Variants in TANK observed in about 807,000 individuals in gnomAD.
TANK encodes TRAF family member associated NFKB activator.
A neutral mutation model predicts 43.6 loss-of-function variants in TANK; 15 were observed. The ratio of observed to expected loss-of-function variants is 0.34; its 90% CI spans 0.23 to 0.53. The LOEUF is 0.53. Among genes scored for constraint, TANK ranks in the 20% least tolerant of loss-of-function variants. The probability of loss-of-function intolerance (pLI) is 0.94; values close to 1 mark genes in which losing one functional copy is unlikely to be tolerated. For synonymous variants in TANK, 162 were observed against 178.2 expected, an observed-to-expected ratio of 0.91 and a Z score of 0.73; for missense variants, 417 against 498.6, an observed-to-expected ratio of 0.84 and a Z score of 1.56.
At chr2:161,181,720 T>A (rs1558979423) in intron 2 of TANK, among the ~76,000 whole-genome samples, 1 of 152,094 alleles carries the variant, frequency 6.6e-6, no homozygotes, top group Non-Finnish European at 1.5e-5. Flanking sequence ...TCCAGTCACT[T>A]CCCACCAGGT....
At chr2:161,148,365 T>C (rs1485417720) in intron 1 of TANK, among the ~76,000 whole-genome samples, 1 of 152,194 alleles carries the variant, frequency 6.6e-6, no homozygotes, top group East Asian at 1.9e-4. Flanking sequence ...ACCCACGTTT[T>C]AATTGGATTG....
chr2:161,137,317 A>G (rs1287249657), intron 1 of TANK: 1 of 845,864 alleles, frequency 1.2e-6, no homozygotes, highest in African/African-American at 1.8e-5. Flanking sequence ...TGAGCCCAGG[A>G]GTTTGAGGCC....
intron 1 of TANK, among the ~76,000 whole-genome samples, chr2:161,171,581 T>C (rs1573978887): frequency 6.6e-6 from 1 of 152,178 alleles, no homozygotes; most frequent in Non-Finnish European, 1.5e-5. Context: ...CTATTTATCA[T>C]TGGTAATGTT....
chr2:161,219,647 T>TA (rs937371049), intron 4 of TANK: 10 of 384,836 alleles, frequency 2.6e-5, no homozygotes, highest in African/African-American at 4.3e-5. Context: ...TATCTTTTTG[T>TA]AATTTTTTTT....
At chr2:161,225,230 C>CT (rs563993167) in intron 6 of TANK, among the ~76,000 whole-genome samples, 8 of 147,942 alleles carry the variant, frequency 5.4e-5, no homozygotes, top group Admixed American at 6.7e-5. Flanking sequence ...TTTTAATGTT[C>CT]TTTTTTTTTT....
chr2:161,168,804 GC>G (rs1684813769), intron 1 of TANK, among the ~76,000 whole-genome samples: 1 of 152,210 alleles, frequency 6.6e-6, no homozygotes, highest in Non-Finnish European at 1.5e-5. Context: ...TTGCACTCCA[GC>G]CTCGAGCAAC....
At chr2:161,151,096 C>T (rs903403165) in intron 1 of TANK, among the ~76,000 whole-genome samples, 1 of 151,922 alleles carries the variant, frequency 6.6e-6, no homozygotes, top group African/African-American at 2.4e-5. Context: ...TTTAGTTTTC[C>T]TTGTATTAAC....
At chr2:161,175,531 A>G (rs1685137529) in intron 1 of TANK, among the ~76,000 whole-genome samples, 1 of 152,122 alleles carries the variant, frequency 6.6e-6, no homozygotes. Context: ...GCCAGCAAAT[A>G]CCTTGTTCTG....
intron 5 of TANK, 43 bp downstream of exon 5, chr2:161,224,034 T>G: frequency 8.1e-7 from 1 of 1,229,118 alleles, no homozygotes; most frequent in South Asian, 1.4e-5. Context: ...AAATTATCAA[T>G]ACTGAAATAT....
chr2:161,220,401 G>A (rs779593022), intron 4 of TANK, among the ~76,000 whole-genome samples: 3 of 152,120 alleles, frequency 2.0e-5, no homozygotes, highest in African/African-American at 7.2e-5. Context: ...TCAGGAGTTC[G>A]AAACCAGCCT....
chr2:161,224,864 C>T, intron 6 of TANK, 118 bp downstream of exon 6: 2 of 573,984 alleles, frequency 3.5e-6, no homozygotes, highest in Non-Finnish European at 6.1e-6. Context: ...ATTTACCCCT[C>T]ATCCACGTAT....
chr2:161,201,350 A>C, intron 2 of TANK: 1 of 830,522 alleles, frequency 1.2e-6, no homozygotes, highest in Non-Finnish European at 1.5e-6. Flanking sequence ...TAAGCCAGAG[A>C]ATAGAAGATA....
chr2:161,231,202 A>T lies in TANK; in HGVS notation c.752A>T (p.Glu251Val). Residue 251 changes from glutamate to valine, a missense_variant, in exon 7 of 8, where the codon GAG becomes GTG. Glu to Val is a moderately radical substitution (Grantham distance 121). Coordinates refer to ENST00000392749, the MANE Select transcript of TANK (RefSeq NM_001199135.3). Reference protein sequence around the residue: ...NDSTFLHSTPERPGILSPATS... With the variant: ...NDSTFLHSTPVRPGILSPATS... ...TCAACTTTCTTACATAGCACTCCAG[A>T]GAGACCCGGCATCCTTAGTCCTGCC... The T allele has an allele frequency of 6.2e-7, 1 of 1,614,008 alleles. No individual in the cohort carries two copies.
chr2:161,191,975 A>G (rs1194604189), intron 2 of TANK, among the ~76,000 whole-genome samples: 4 of 151,938 alleles, frequency 2.6e-5, no homozygotes, highest in Non-Finnish European at 1.5e-5. Context: ...TTTAATAGAG[A>G]TGGGGTTTCA....
rs568753540 is a variant in TANK at position 161,147,365 on chromosome 2, C to G, written c.-50+10302C>G. Among the ~76,000 whole-genome samples the G allele has an allele frequency of 1.2e-4, 19 of 152,316 alleles. No homozygotes were observed. The South Asian group carries it at 3.5e-3, about 28-fold the overall frequency. ...TGCTGACTGCCCCTGCCCCTGGGAA[C>G]TTAGCAGGCTTAAGCAGATTCTAGC... On this transcript the variant is annotated intron_variant, in intron 1 of 7. Transcript: ENST00000259075.
chr2:161,201,221 T>G, intron 2 of TANK: 1 of 980,140 alleles, frequency 1.0e-6, no homozygotes, highest in Non-Finnish European at 1.2e-6. Flanking sequence ...TAAGAAGTAG[T>G]TAAAACTTCA....
At chr2:161,173,266 T>C (rs903799035) in intron 1 of TANK, among the ~76,000 whole-genome samples, 2 of 152,164 alleles carry the variant, frequency 1.3e-5, no homozygotes, top group African/African-American at 4.8e-5. Context: ...CTATCATCTC[T>C]GCACACATGC....
intron 4 of TANK, among the ~76,000 whole-genome samples, chr2:161,205,227 G>A (rs899173846): frequency 2.6e-5 from 4 of 152,128 alleles, no homozygotes; most frequent in African/African-American, 9.7e-5. Flanking sequence ...TCAGTAGGAG[G>A]ATTGTTTGGG....
intron 4 of TANK, among the ~76,000 whole-genome samples, chr2:161,205,155 A>G (rs1344190936): frequency 2.0e-5 from 3 of 152,024 alleles, no homozygotes; most frequent in African/African-American, 4.8e-5. Flanking sequence ...GGGGATCCCT[A>G]TCTCTATAAA....
Sources: allele counts gnomAD v4.1 joint callset (sites outside exome capture counted in the v4.1 genomes callset), GRCh38; gene constraint gnomAD v4.1.1; transcripts MANE v1.5; gene names NCBI Gene and HGNC (gene_info 2026-07-23, HGNC 2026-07-21).